The following UBP1 variants were observed in gnomAD, a reference collection of about 807,000 sequenced individuals.
UBP1 encodes upstream binding protein 1.
Under a neutral mutation model 76.1 loss-of-function variants are expected in UBP1, and 22 were observed. That is an observed-to-expected ratio of 0.29 (90% CI 0.21 to 0.41). The LOEUF (loss-of-function observed/expected upper bound fraction) is 0.41, where lower values mean the gene tolerates loss of function less well. Ranked by LOEUF, UBP1 falls within the 10% of genes least tolerant of loss-of-function variation. The pLI, the probability that UBP1 is intolerant of heterozygous loss-of-function variation, is 1.00. For missense variants in UBP1, 436 were observed against 668.1 expected (o/e 0.65, Z 3.83); for synonymous variants, 224 against 237.1 (o/e 0.94, Z 0.51).
At chr3:33,396,457 A>C in intron 12 of UBP1, 177 bp from the exon 13 acceptor site, 1 of 516,000 alleles carries the variant, frequency 1.9e-6, no homozygotes, top group East Asian at 3.0e-5. Context: ...CACACCAACT[A>C]TCACAGGTGG....
chr3:33,416,827 T>C lies in UBP1; in HGVS notation c.273A>G (p.Ser91=). 1.9e-6 allele frequency: 3 copies of C among 1,613,256 alleles called. No homozygotes were observed. The highest frequency in any genetic ancestry group is 2.5e-6 in the Non-Finnish European group (3 of 1,179,418). ...GATTATCCAGCATCCGAATTTCATA[T>C]GACTGACCTATTTAAAGAAATTGTG... ...ETLTYLNQGQ[S]YEIRMLDNRK... Residue 91 remains serine, a synonymous_variant, in exon 3 of 16, where the codon TCA becomes TCG. Transcript: ENST00000283629.
Position 33,402,790 on chromosome 3 carries a change from A to T in UBP1, c.1031+11T>A, listed in dbSNP as rs150554982. 7.2e-6 allele frequency: 11 copies of T among 1,537,970 alleles called. No homozygotes were observed. Among genetic ancestry groups the T allele is most frequent in the East Asian group, 2.3e-5 (1 of 42,920 alleles). ...GTTAGCTGCAGGCACACGATCACAC[A>T]AACTAGATACCTGTCTGGGACACTG... On this transcript the variant is annotated intron_variant, in intron 9 of 15. Coordinates refer to ENST00000283629, the MANE Select transcript of UBP1 (RefSeq NM_014517.5).
At chr3:33,431,504 G>A (rs1365478430) in intron 1 of UBP1, among the ~76,000 whole-genome samples, 3 of 152,258 alleles carry the variant, frequency 2.0e-5, no homozygotes, top group Non-Finnish European at 2.9e-5. Flanking sequence ...TTGGGAGACT[G>A]AGGCGGGCGG....
intron 8 of UBP1, among the ~76,000 whole-genome samples, chr3:33,404,053 G>C (rs2044344858): frequency 6.6e-6 from 1 of 152,148 alleles, no homozygotes; most frequent in Non-Finnish European, 1.5e-5. Context: ...TTGAGCCCAG[G>C]AGTTCAAGAC....
intron 13 of UBP1, among the ~76,000 whole-genome samples, chr3:33,395,585 T>C (rs2043945738): frequency 6.6e-6 from 1 of 151,706 alleles, no homozygotes; most frequent in African/African-American, 2.4e-5. Flanking sequence ...GGTAGTATTA[T>C]TTACAGTGAC....
chr3:33,390,475 T>A, intron 15 of UBP1, 107 bp from the exon 16 acceptor site: 1 of 1,163,646 alleles, frequency 8.6e-7, no homozygotes, highest in Non-Finnish European at 1.3e-6. Flanking sequence ...ATTCAGAGGT[T>A]ACCTTTAAAT....
chr3:33,392,092 C>T (rs1032097245), intron 15 of UBP1: 1 of 153,020 alleles, frequency 6.5e-6, no homozygotes, highest in African/African-American at 2.4e-5. Context: ...GGATTAATAA[C>T]ACCTCCTCAG....
intron 4 of UBP1, among the ~76,000 whole-genome samples, 195 bp from the exon 5 acceptor site, chr3:33,411,882 A>G (rs760159611): frequency 2.0e-5 from 3 of 149,736 alleles, no homozygotes; most frequent in Non-Finnish European, 4.5e-5. Context: ...CATGGTTTGT[A>G]TTTCATTTTT....
intron 1 of UBP1, among the ~76,000 whole-genome samples, chr3:33,432,990 G>C (rs192959330): frequency 1.3e-5 from 2 of 152,038 alleles, no homozygotes; most frequent in African/African-American, 4.8e-5. Context: ...ATGAATACAT[G>C]AATGAGTAAT....
intron 1 of UBP1, among the ~76,000 whole-genome samples, chr3:33,428,851 C>G (rs543290755): frequency 6.8e-6 from 1 of 147,350 alleles, no homozygotes; most frequent in South Asian, 2.1e-4. Flanking sequence ...CTCTTCAACC[C>G]CTCTTCTCGT....
intron 2 of UBP1, among the ~76,000 whole-genome samples, chr3:33,422,246 T>C (rs1420225801): frequency 1.3e-5 from 2 of 152,018 alleles, no homozygotes; most frequent in Non-Finnish European, 2.9e-5. Context: ...GAAAAAGCTA[T>C]GAATCCTCTC....
At chr3:33,429,076 A>G (rs1323393356) in intron 1 of UBP1, among the ~76,000 whole-genome samples, 1 of 152,218 alleles carries the variant, frequency 6.6e-6, no homozygotes, top group Non-Finnish European at 1.5e-5. Context: ...TGTATCTGCT[A>G]TAAGCACGTA....
intron 13 of UBP1, among the ~76,000 whole-genome samples, chr3:33,393,674 A>T (rs898133935): frequency 2.0e-5 from 3 of 152,228 alleles, no homozygotes; most frequent in Admixed American, 2.0e-4. Context: ...ATATCCACAA[A>T]TATAATTTAA....
Position 33,411,687 on chromosome 3 carries a change from T to C in UBP1, c.449A>G (p.Asp150Gly). The change falls in exon 5 of 16, where the codon GAT (aspartate) becomes GGT (glycine). Residue 150 changes from aspartate to glycine, a missense_variant and splice_region_variant. This residue lies in a region of UBP1 where 161 missense variants were observed against 237.9 expected (regional missense o/e 0.68). Coordinates refer to ENST00000283629, the MANE Select transcript of UBP1 (RefSeq NM_014517.5). Reference sequence around the variant, plus strand: ...AATTATTCCCACAGACATTGGAATATCTATGTTTTAAAAAGAAGTTACATA... The same window carrying C: ...AATTATTCCCACAGACATTGGAATACCTATGTTTTAAAAAGAAGTTACATA... ...NRPGDRLLDL[D>G]IPMSVGIIDT... The C allele has an allele frequency of 6.2e-7, 1 of 1,611,254 alleles. No individual in the cohort carries two copies. Among genetic ancestry groups the C allele is most frequent in the Non-Finnish European group, 8.5e-7 (1 of 1,177,608 alleles).
intron 1 of UBP1, among the ~76,000 whole-genome samples, chr3:33,432,539 T>G (rs937826367): frequency 1.3e-5 from 2 of 152,190 alleles, no homozygotes; most frequent in Non-Finnish European, 2.9e-5. Context: ...GCAACTGTGG[T>G]CCTACTCTAC....
intron 2 of UBP1, among the ~76,000 whole-genome samples, chr3:33,421,616 AG>A (rs1353664849): frequency 1.3e-5 from 2 of 152,270 alleles, no homozygotes; most frequent in African/African-American, 2.4e-5. Context: ...AGGTTCAAAA[AG>A]AACTCAAAAA....
chr3:33,427,989 G>C (rs1445016363), intron 1 of UBP1, among the ~76,000 whole-genome samples: 1 of 152,020 alleles, frequency 6.6e-6, no homozygotes. Context: ...TCAGGAGTTC[G>C]AGACATGGCG....
At chr3:33,414,919 T>A (rs2044690600) in intron 3 of UBP1, among the ~76,000 whole-genome samples, 1 of 152,222 alleles carries the variant, frequency 6.6e-6, no homozygotes, top group Non-Finnish European at 1.5e-5. Context: ...AGCAAAACAT[T>A]CACTGTGCAT....
At chr3:33,411,252 C>A (rs1479052107) in intron 5 of UBP1, among the ~76,000 whole-genome samples, 3 of 151,924 alleles carry the variant, frequency 2.0e-5, no homozygotes, top group Non-Finnish European at 4.4e-5. Context: ...AATTTTAAAA[C>A]CTCAATCTTT....
Sources: gnomAD v4.1 joint callset for allele counts (sites outside exome capture counted in the v4.1 genomes callset) on GRCh38, gnomAD v4.1.1 for gene constraint, gnomAD v4.1.1 regional missense constraint, MANE v1.5 for transcripts, NCBI Gene and HGNC (gene_info 2026-07-23, HGNC 2026-07-21) for gene names.